SH3GL1: variants seen among roughly 807,000 people sequenced by gnomAD.
SH3GL1 encodes the protein SH3 domain containing GRB2 like 1, endophilin A2.
SH3GL1 carries 21 observed loss-of-function variants against 48.8 expected under a neutral mutation model. The observed-to-expected ratio is 0.43, with a 90% CI of 0.30 to 0.62. The LOEUF (loss-of-function observed/expected upper bound fraction) is 0.62, where lower values mean the gene tolerates loss of function less well. Ranked by LOEUF, SH3GL1 falls within the 20% of genes least tolerant of loss-of-function variation. SH3GL1 has a pLI of 0.11. For missense variants in SH3GL1, 454 were observed against 503.0 expected (o/e 0.90, Z 0.93); for synonymous variants, 282 against 217.5 (o/e 1.30, Z -2.61).
At chr19:4,373,026 T>C (rs2144882624) in intron 1 of SH3GL1, among the ~76,000 whole-genome samples, 1 of 152,206 alleles carries the variant, frequency 6.6e-6, no homozygotes, top group African/African-American at 2.4e-5. Context: ...CCTGGGCTCC[T>C]GGTCTGGGAG....
chr19:4,364,861 G>A (rs1321663787), intron 4 of SH3GL1, among the ~76,000 whole-genome samples: 11 of 80,280 alleles, frequency 1.4e-4, no homozygotes, highest in Admixed American at 1.3e-3. Flanking sequence ...ACCACACCCG[G>A]CTAATTGTGT....
chr19:4,367,212 G>A lies in SH3GL1; in HGVS notation c.46-218C>T, dbSNP rs243258. On this transcript the variant is annotated intron_variant, in intron 1 of 9. Transcript: ENST00000269886. This position sits in a 1 kb window ranked among gnomAD's most constrained non-coding sequence, Gnocchi z 4.2. The stretch of plus-strand genomic sequence containing the variant: ...GCAGGGGGAGGGGGAGGGTGGGGGT[G>A]GCCTGCCCACCTGTGTGTGTCCCGA... Among the ~76,000 whole-genome samples the A allele has an allele frequency of 1.3e-5, 2 of 152,090 alleles. No individual in the cohort carries two copies. Among genetic ancestry groups the A allele is most frequent in the African/African-American group, 4.8e-5 (2 of 41,426 alleles).
rs1305991533 is a variant in SH3GL1 at position 4,383,187 on chromosome 19, G to C, written c.46-16193C>G. Among the ~76,000 whole-genome samples, 8 of 151,070 alleles carry C rather than the reference G, an allele frequency of 5.3e-5. No individual in the cohort carries two copies. In the East Asian group the frequency reaches 1.6e-3, roughly 29 times the overall value. Reference sequence around the variant, plus strand: ...CCTGCCTCAGCCTCCCAAAATGCTGGGATTACAGGCATGAGCCACCACGCC... The same window carrying C: ...CCTGCCTCAGCCTCCCAAAATGCTGCGATTACAGGCATGAGCCACCACGCC... On this transcript the variant is annotated intron_variant, in intron 1 of 9. Coordinates refer to ENST00000269886, the MANE Select transcript of SH3GL1 (RefSeq NM_003025.4).
In SH3GL1 at chr19:4,364,896, GTGTATA is replaced by G. The variant is rs1181511201; in HGVS notation, c.331+580_331+585del. Among the ~76,000 whole-genome samples the G allele has an allele frequency of 6.2e-3, 717 of 116,290 alleles. 12 individuals carry two copies. The highest frequency in any genetic ancestry group is 0.025 in the African/African-American group (682 of 27,050). The allele number at this position is 116,290 out of a possible 152,430, so 76.3% of individuals were successfully genotyped here. A position where few individuals can be genotyped will look rare whatever the true frequency, so the allele number is the denominator to read the frequency against. ...TGTGTGTGTGTGTGTGTGTGTGTGT[GTGTATA>G]TATATATATATATATTTTTTTTTTT... On this transcript the variant is annotated intron_variant, in intron 4 of 9. Coordinates refer to ENST00000269886, the MANE Select transcript of SH3GL1 (RefSeq NM_003025.4).
In SH3GL1 at chr19:4,362,317, G is replaced by C. The variant is rs373023605; in HGVS notation, c.910+12C>G. 9.4e-5 allele frequency: 151 copies of C among 1,610,002 alleles called. No individual in the cohort carries two copies. The highest frequency in any genetic ancestry group is 1.3e-4 in the Non-Finnish European group (148 of 1,177,914). On this transcript the variant is annotated intron_variant, in intron 9 of 9. Coordinates refer to ENST00000269886, the MANE Select transcript of SH3GL1 (RefSeq NM_003025.4). Reference sequence around the variant, plus strand: ...GCAGCACTGAGGTCGAGGCGGGCCTGGGAACACTCACGCATGCTCCGGCTA... The same window carrying C: ...GCAGCACTGAGGTCGAGGCGGGCCTCGGAACACTCACGCATGCTCCGGCTA...
chr19:4,373,412 C>T (rs1972941654), intron 1 of SH3GL1, among the ~76,000 whole-genome samples: 1 of 152,240 alleles, frequency 6.6e-6, no homozygotes, highest in African/African-American at 2.4e-5. Flanking sequence ...GAGATCTCCC[C>T]TCCTGTCCAT....
rs1051912158 is a variant in SH3GL1 at position 4,389,848 on chromosome 19, G to C, written c.45+10476C>G. On this transcript the variant is annotated intron_variant, in intron 1 of 9. Coordinates refer to ENST00000269886, the MANE Select transcript of SH3GL1 (RefSeq NM_003025.4). This position sits in a 1 kb window ranked among gnomAD's most constrained non-coding sequence, Gnocchi z 4.5. ...GGCAATGGAATAATCACTCCCATTG[G>C]CATGAAACCATGTGGGGAGCTGTCC... 1.3e-5 allele frequency among the ~76,000 whole-genome samples: 2 copies of C among 152,236 alleles called. No homozygotes were observed. Among genetic ancestry groups the C allele is most frequent in the Non-Finnish European group, 2.9e-5 (2 of 68,032 alleles).
At chr19:4,392,093 T>C (rs376817087) in intron 1 of SH3GL1, among the ~76,000 whole-genome samples, 8 of 152,130 alleles carry the variant, frequency 5.3e-5, no homozygotes, top group African/African-American at 1.7e-4. Context: ...TCACCGGCCT[T>C]GTCCCGGGCA....
intron 7 of SH3GL1, 36 bp from the exon 8 acceptor site, chr19:4,362,772 G>A (rs1169788276): frequency 1.2e-6 from 2 of 1,612,628 alleles, no homozygotes; most frequent in South Asian, 1.1e-5. Context: ...CCGAGCCCGT[G>A]TCACGGCCGA....
intron 1 of SH3GL1, among the ~76,000 whole-genome samples, chr19:4,382,183 A>C (rs1973146909): frequency 6.6e-6 from 1 of 150,968 alleles, no homozygotes; most frequent in Non-Finnish European, 1.5e-5. Flanking sequence ...GCCCCTCAAC[A>C]GCTATCTCTT....
intron 1 of SH3GL1, among the ~76,000 whole-genome samples, chr19:4,374,316 A>T (rs1400297369): frequency 6.6e-6 from 1 of 152,198 alleles, no homozygotes; most frequent in Non-Finnish European, 1.5e-5. Flanking sequence ...GCCAGGGGCC[A>T]GCTCTGTGAC....
chr19:4,385,756 C>A (rs545725323), intron 1 of SH3GL1, among the ~76,000 whole-genome samples: 1 of 152,294 alleles, frequency 6.6e-6, no homozygotes, highest in South Asian at 2.1e-4. Context: ...TGGAAAAATA[C>A]ACAGGATTCT....
rs1171296979 is a variant in SH3GL1 at position 4,400,313 on chromosome 19, C to T, written c.45+11G>A. ...GCCCGGTACTCGGCTCCCGCCTGGG[C>T]CTGCGCTCACCTGGCTCGCCTTGTA... On this transcript the variant is annotated intron_variant, in intron 1 of 9. Transcript: ENST00000269886. This position sits in a 1 kb window ranked among gnomAD's most constrained non-coding sequence, Gnocchi z 4.1. 6.3e-7 allele frequency: 1 copy of T among 1,598,534 alleles called. No homozygotes were observed. Among genetic ancestry groups the T allele is most frequent in the East Asian group, 2.3e-5 (1 of 43,244 alleles).
intron 1 of SH3GL1, among the ~76,000 whole-genome samples, chr19:4,374,570 C>T (rs1464802477): frequency 6.6e-6 from 1 of 152,258 alleles, no homozygotes; most frequent in African/African-American, 2.4e-5. Context: ...GAACCTGGCC[C>T]GTCCGCCCTA....
chr19:4,386,774 G>A (rs896851609), intron 1 of SH3GL1, among the ~76,000 whole-genome samples: 9 of 151,976 alleles, frequency 5.9e-5, no homozygotes, highest in Non-Finnish European at 7.4e-5. Context: ...AGGATCCCCC[G>A]ATCCTAAGAG....
At position 4,366,952 on chromosome 19, in the gene SH3GL1, C is replaced by T; in HGVS notation, c.88G>A (p.Asp30Asn). 6.2e-7 allele frequency: 1 copy of T among 1,613,990 alleles called. No homozygotes were observed. Among genetic ancestry groups the T allele is most frequent in the Non-Finnish European group, 8.5e-7 (1 of 1,179,888 alleles). ...KVGGAEGTKL[D>N]DDFKEMEKKV... ...TTCTCCATCTCTTTGAAGTCATCATCCAGCTTGGTCCCCTCGGCCCCTCCG... is the reference window on the plus strand; with the variant it reads ...TTCTCCATCTCTTTGAAGTCATCATTCAGCTTGGTCCCCTCGGCCCCTCCG... Residue 30 changes from aspartate (D) to asparagine (N), a missense_variant, in exon 2 of 10, where the codon GAT becomes AAT. By Grantham distance (23) the Asp-to-Asn change is conservative (BLOSUM62 1). Transcript: ENST00000269886.
At chr19:4,362,081 GC>G (rs1972633057) in intron 9 of SH3GL1, among the ~76,000 whole-genome samples, 1 of 152,244 alleles carries the variant, frequency 6.6e-6, no homozygotes, top group South Asian at 2.1e-4. Flanking sequence ...ATGCCCTCAA[GC>G]CCTTGTAGCC....
rs568438872 is a variant in SH3GL1, at chr19:4,361,028, C to T, written c.*572G>A. Reference sequence around the variant, plus strand: ...CAGGCCCGGGAGGCGGTGAGGCCCTCTGCCCTGGCCTTGAGGAGAAGGAGT... The same window carrying T: ...CAGGCCCGGGAGGCGGTGAGGCCCTTTGCCCTGGCCTTGAGGAGAAGGAGT... On this transcript the variant is annotated 3_prime_UTR_variant, in exon 10 of 10. Coordinates refer to ENST00000269886, the MANE Select transcript of SH3GL1 (RefSeq NM_003025.4). 8.5e-6 allele frequency: 2 copies of T among 234,584 alleles called. No homozygotes were observed. Among genetic ancestry groups the T allele is most frequent in the Non-Finnish European group, 1.7e-5 (2 of 119,050 alleles). The allele number at this position is 234,584 out of a possible 1,614,324, so 14.5% of individuals were successfully genotyped here.
intron 1 of SH3GL1, among the ~76,000 whole-genome samples, chr19:4,392,397 G>A (rs575699562): frequency 1.3e-5 from 2 of 152,000 alleles, no homozygotes; most frequent in African/African-American, 4.8e-5. Flanking sequence ...GGTGGCGCAC[G>A]CCTGTATTCC....
Sources: gnomAD v4.1 joint callset for allele counts (sites outside exome capture counted in the v4.1 genomes callset) on GRCh38, gnomAD v4.1.1 for gene constraint, Gnocchi (gnomAD v3.1) non-coding constraint, MANE v1.5 for transcripts, NCBI Gene and HGNC (gene_info 2026-07-23, HGNC 2026-07-21) for gene names.